Variants in RNF128 observed in about 807,000 individuals in gnomAD.
RNF128 encodes the protein ring finger protein 128, also known as E3 ubiquitin-protein ligase RNF128.
Under a neutral mutation model 26.2 loss-of-function variants are expected in RNF128, and 13 were observed. The ratio of observed to expected loss-of-function variants is 0.50; its 90% CI spans 0.32 to 0.79. The LOEUF (loss-of-function observed/expected upper bound fraction) is 0.79. RNF128 is among the 30% of genes least tolerant of loss of function. RNF128 has a pLI of 0.03. For missense variants in RNF128, 315 were observed against 349.7 expected (o/e 0.90, Z 0.79); for synonymous variants, 149 against 142.5 (o/e 1.05, Z -0.32).
At chrX:106,767,727 C>G (rs1313716350) in intron 1 of RNF128, among the ~76,000 whole-genome samples, 1 of 111,263 alleles carries the variant, frequency 9.0e-6, no homozygotes, top group African/African-American at 3.3e-5. Flanking sequence ...GCCTGATTGC[C>G]CTGGCTAGAA....
intron 3 of RNF128, 66 bp from the exon 4 acceptor site, chrX:106,787,852 A>C: frequency 1.3e-6 from 1 of 761,785 alleles, no homozygotes; most frequent in Non-Finnish European, 2.0e-6. Flanking sequence ...GTATGTTCTG[A>C]TCTTGTTCTG....
At chrX:106,725,110 C>A (rs56711259), upstream of RNF128, among the ~76,000 whole-genome samples, 13,864 of 111,275 alleles carry the variant, frequency 0.12, 2,138 homozygotes, top group African/African-American at 0.43. Flanking sequence ...TCTTCACCAG[C>A]AAAATCAGAC....
intron 1 of RNF128, among the ~76,000 whole-genome samples, chrX:106,742,268 T>C (rs192185535): frequency 1.8e-5 from 2 of 112,317 alleles, no homozygotes; most frequent in East Asian, 5.6e-4. Context: ...CTCTGCATGG[T>C]AAAGGATTGG....
intron 1 of RNF128, among the ~76,000 whole-genome samples, chrX:106,762,179 C>T (rs978711849): frequency 1.8e-5 from 2 of 110,580 alleles, no homozygotes; most frequent in East Asian, 2.8e-4. Context: ...CTATAGTCAC[C>T]CTACTGTGTA....
Position 106,727,067 on chromosome X carries a change from C to A in RNF128, c.154C>A (p.Arg52=). The A allele has an allele frequency of 8.3e-7, 1 of 1,203,663 alleles. No homozygotes were observed. Among genetic ancestry groups the A allele is most frequent in the Non-Finnish European group, 1.1e-6 (1 of 891,674 alleles). Residue 52 remains arginine (R), a synonymous_variant, in exon 1 of 7, where the codon CGG becomes AGG. Coordinates refer to ENST00000255499, the MANE Select transcript of RNF128 (RefSeq NM_194463.2). ...GACCGCGTACCTCAACGTGTCCTGG[C>A]GGGTTCCGCACACGGGAGTGAACCG... ...VWTAYLNVSW[R]VPHTGVNRTV...
chrX:106,719,148 T>C (rs183784311), intron 1 of RNF128, among the ~76,000 whole-genome samples: 54 of 112,050 alleles, frequency 4.8e-4, no homozygotes, highest in African/African-American at 1.7e-3. Context: ...CCAGCCTTAT[T>C]AGAAATTATC....
At chrX:106,713,140 G>A (rs1023172543) in intron 1 of RNF128, among the ~76,000 whole-genome samples, 1 of 107,648 alleles carries the variant, frequency 9.3e-6, no homozygotes, top group Non-Finnish European at 1.9e-5. Context: ...CCCCGCCTTG[G>A]GCACCCAAAG....
chrX:106,710,062 T>C (rs1392612312), intron 1 of RNF128, among the ~76,000 whole-genome samples: 1 of 112,089 alleles, frequency 8.9e-6, no homozygotes. Flanking sequence ...TTTACTTTCA[T>C]ATAAATTTTA....
At chrX:106,710,868 C>G (rs767388526) in intron 1 of RNF128, among the ~76,000 whole-genome samples, 2 of 109,064 alleles carry the variant, frequency 1.8e-5, no homozygotes, top group Admixed American at 9.8e-5. Context: ...TAGGTTTAGT[C>G]TAGCTTCATG....
intron 1 of RNF128, among the ~76,000 whole-genome samples, chrX:106,772,183 GGTAA>G (rs1930385799): frequency 1.8e-5 from 2 of 111,550 alleles, no homozygotes; most frequent in African/African-American, 6.5e-5. Flanking sequence ...GTGGTAGAGA[GGTAA>G]GTATTTTAGA....
intron 1 of RNF128, among the ~76,000 whole-genome samples, chrX:106,699,251 G>A (rs1928916660): frequency 1.8e-5 from 2 of 112,082 alleles, no homozygotes; most frequent in Non-Finnish European, 3.8e-5. Context: ...CTTGAGCCTA[G>A]GCCTACAAGG....
chrX:106,769,244 G>A lies in RNF128; in HGVS notation c.485-3669G>A, dbSNP rs752279870. ...GTCTATTAGGTCTGCTTGGTGCAGC[G>A]CTAAGTTCAGTTCCTGGATATCCTT... On this transcript the variant is annotated intron_variant, in intron 1 of 6. Coordinates refer to ENST00000255499, the MANE Select transcript of RNF128 (RefSeq NM_194463.2). Among the ~76,000 whole-genome samples, 4 of 111,519 alleles carry A rather than the reference G, an allele frequency of 3.6e-5. No homozygotes were observed. In the East Asian group the frequency reaches 8.5e-4, roughly 24 times the overall value.
upstream of RNF128, among the ~76,000 whole-genome samples, chrX:106,726,160 C>A (rs1231811330): frequency 9.0e-6 from 1 of 111,637 alleles, no homozygotes; most frequent in African/African-American, 3.3e-5. Context: ...CCTAGGGTAA[C>A]GGTGAGGAAA....
chrX:106,774,397 C>T (rs1313125422), intron 2 of RNF128, among the ~76,000 whole-genome samples: 1 of 111,683 alleles, frequency 9.0e-6, no homozygotes, highest in Non-Finnish European at 1.9e-5. Flanking sequence ...CTTTTGTATA[C>T]TCAAGGACAT....
intron 4 of RNF128, among the ~76,000 whole-genome samples, chrX:106,789,163 TA>T (rs1434731895): frequency 1.1e-5 from 1 of 90,386 alleles, no homozygotes; most frequent in African/African-American, 3.9e-5. Context: ...TACATATATA[TA>T]AATTGTGTAT....
At chrX:106,734,265 A>C (rs1929550802) in intron 1 of RNF128, among the ~76,000 whole-genome samples, 1 of 110,818 alleles carries the variant, frequency 9.0e-6, no homozygotes, top group Non-Finnish European at 1.9e-5. Context: ...AATATGCTTC[A>C]CCGAGGTTTA....
rs973307658 is a variant in RNF128, at chrX:106,709,136, A to G, written c.406+14728A>G. ...CCTACTTCAAGCAAGTTTTATTAGT[A>G]TAGTTTCACTCTATTTGCAAAATAA... is the stretch of plus-strand genomic sequence containing the variant. On this transcript the variant is annotated intron_variant, in intron 1 of 6. Coordinates refer to the RNF128 transcript ENST00000324342. 2.7e-5 allele frequency among the ~76,000 whole-genome samples: 3 copies of G among 112,032 alleles called. No individual in the cohort carries two copies. In the East Asian group the frequency reaches 8.3e-4, roughly 31 times the overall value.
At chrX:106,712,257 G>T (rs1929141632) in intron 1 of RNF128, among the ~76,000 whole-genome samples, 1 of 112,139 alleles carries the variant, frequency 8.9e-6, no homozygotes, top group African/African-American at 3.2e-5. Flanking sequence ...CTGCATCACT[G>T]CTTCCCATCT....
At position 106,727,293 on chromosome X, in the gene RNF128, C is replaced by A. The variant is rs1929421002; in HGVS notation, c.380C>A (p.Thr127Asn). ...CTCATCCAACGCGGCGGGGGCTGCACCTTCGCAGACAAGATCCATCTGGCT... is the reference window on the plus strand; with the variant it reads ...CTCATCCAACGCGGCGGGGGCTGCAACTTCGCAGACAAGATCCATCTGGCT... The part of the protein sequence containing the change: ...LALIQRGGGC[T>N]FADKIHLAYE... Residue 127 changes from threonine (T) to asparagine (N), a missense_variant, in exon 1 of 7, where the codon ACC becomes AAC. Thr to Asn is a moderately conservative substitution (Grantham distance 65, BLOSUM62 0). Coordinates refer to ENST00000255499, the MANE Select transcript of RNF128 (RefSeq NM_194463.2). The A allele has an allele frequency of 2.5e-6, 3 of 1,211,697 alleles. No homozygotes were observed. In the East Asian group the frequency reaches 8.9e-5, roughly 36 times the overall value.
Sources: allele counts gnomAD v4.1 joint callset (sites outside exome capture counted in the v4.1 genomes callset), GRCh38; gene constraint gnomAD v4.1.1; transcripts MANE v1.5; gene names NCBI Gene and HGNC (gene_info 2026-07-23, HGNC 2026-07-21).